Variants in KBTBD3 observed in about 807,000 individuals in gnomAD.
KBTBD3 encodes the protein kelch repeat and BTB domain-containing protein 3.
In KBTBD3, 38 loss-of-function variants were observed where a neutral mutation model predicts 49.6. The ratio of observed to expected loss-of-function variants is 0.77; its 90% CI spans 0.59 to 1.00. The LOEUF is 1.00. KBTBD3 is among the 50% of genes least tolerant of loss of function. KBTBD3 has a pLI of 0.00. For missense variants in KBTBD3, 661 were observed against 712.0 expected (o/e 0.93, Z 0.81); for synonymous variants, 214 against 250.4 (o/e 0.85, Z 1.37).
In KBTBD3 at chr11:106,053,136, G is replaced by T. The variant is rs764968896; in HGVS notation, c.1553C>A (p.Thr518Asn). 6.2e-7 allele frequency: 1 copy of T among 1,613,584 alleles called. No individual in the cohort carries two copies. The highest frequency in any genetic ancestry group is 1.1e-5 in the South Asian group (1 of 91,058). Residue 518 changes from threonine to asparagine, a missense_variant, in exon 4 of 4, where the codon ACC becomes AAC. Transcript: ENST00000531837. ...TGGACAAAAACTATAAACCTTATAG[G>T]TGGAAAGGTCACATATATACAGTGT... ...NCTLYICDLS[T>N]YKVYSFCPDT...
At position 106,059,051 on chromosome 11, in the gene KBTBD3, G is replaced by A; in HGVS notation, c.47C>T (p.Thr16Ile). The A allele has an allele frequency of 6.4e-7, 1 of 1,553,224 alleles. No individual in the cohort carries two copies. The highest frequency in any genetic ancestry group is 8.6e-7 in the Non-Finnish European group (1 of 1,161,550). ...DNSYAFNQRS[T>I]CNGIPSEKKN... ...CTTCTCAGATGGAATTCCATTACATGTGCTTCGTTGATTGAAAGCATATGA... is the reference window on the plus strand; with the variant it reads ...CTTCTCAGATGGAATTCCATTACATATGCTTCGTTGATTGAAAGCATATGA... The change falls in exon 3 of 4, where the codon ACA becomes ATA. Residue 16 changes from threonine (T) to isoleucine (I), a missense_variant. By Grantham distance (89) the Thr-to-Ile change is moderately conservative (BLOSUM62 -1). Transcript: ENST00000531837.
At position 106,053,734 on chromosome 11, in the gene KBTBD3, C is replaced by T. The variant is rs1250943152; in HGVS notation, c.955G>A (p.Asp319Asn). 6.2e-7 allele frequency: 1 copy of T among 1,613,616 alleles called. No individual in the cohort carries two copies. Among genetic ancestry groups the T allele is most frequent in the Admixed American group, 1.7e-5 (1 of 59,996 alleles). ...QYTFCYNIKS[D>N]SWKILPQSHL... ...GATTGCGGCAGTATTTTCCATGAAT[C>T]AGATTTAATGTTATAGCAAAATGTA... Residue 319 changes from aspartate (D) to asparagine (N), a missense_variant, in exon 4 of 4, where the codon GAT (aspartate) becomes AAT (asparagine). Transcript: ENST00000531837.
At chr11:106,063,319 A>G (rs1860740656) in intron 2 of KBTBD3, among the ~76,000 whole-genome samples, 1 of 152,254 alleles carries the variant, frequency 6.6e-6, no homozygotes, top group Admixed American at 6.5e-5. Flanking sequence ...CTTTGTTTCC[A>G]TGTTCAACCT....
Position 106,053,362 on chromosome 11 carries a change from C to G in KBTBD3, c.1327G>C (p.Gly443Arg). Residue 443 changes from glycine (G) to arginine (R), a missense_variant, in exon 4 of 4, where the codon GGC becomes CGC. Coordinates refer to ENST00000531837, the MANE Select transcript of KBTBD3 (RefSeq NM_198439.3). ...EWISVSPLPR[G>R]IYYPEASTCQ... ...GTGCTTGCTTCTGGATAGTATATGC[C>G]TCTGGGTAATGGGCTAACAGATATC... The G allele has an allele frequency of 6.2e-7, 1 of 1,613,218 alleles. No homozygotes were observed. Among genetic ancestry groups the G allele is most frequent in the Admixed American group, 1.7e-5 (1 of 59,920 alleles).
chr11:106,063,925 G>A (rs902809949), intron 2 of KBTBD3, among the ~76,000 whole-genome samples: 1 of 152,118 alleles, frequency 6.6e-6, no homozygotes, highest in African/African-American at 2.4e-5. Context: ...GAGAGACTCT[G>A]TCTCAAAAAG....
intron 2 of KBTBD3, among the ~76,000 whole-genome samples, chr11:106,074,117 C>T (rs943059570): frequency 2.3e-5 from 2 of 86,118 alleles, no homozygotes; most frequent in African/African-American, 5.3e-5. Flanking sequence ...CGAACACCCC[C>T]CCCCACACAC....
At chr11:106,066,733 T>TAAAAAAA (rs34578169) in intron 2 of KBTBD3, among the ~76,000 whole-genome samples, 2 of 140,836 alleles carry the variant, frequency 1.4e-5, no homozygotes, top group Non-Finnish European at 1.6e-5. Context: ...TAATCCCTAT[T>TAAAAAAA]AAAAAAAAAA....
chr11:106,067,641 C>T (rs1365499651), intron 2 of KBTBD3, among the ~76,000 whole-genome samples: 6 of 147,048 alleles, frequency 4.1e-5, no homozygotes, highest in East Asian at 2.0e-4. Context: ...AAAGAGATAA[C>T]GTTCATAAGT....
In KBTBD3 at chr11:106,061,985, A is replaced by G. The variant is rs78815133; in HGVS notation, c.-12-2876T>C. Among the ~76,000 whole-genome samples the G allele has an allele frequency of 8.3e-3, 1,270 of 152,214 alleles. 12 individuals carry two copies. Among genetic ancestry groups the G allele is most frequent in the Middle Eastern group, 0.027 (8 of 294 alleles). ...ATATAAAACATTCTCATCATCACAGAAAGTTCCACTGGATAGCCATTACAC... is the reference window on the plus strand; with the variant it reads ...ATATAAAACATTCTCATCATCACAGGAAGTTCCACTGGATAGCCATTACAC... On this transcript the variant is annotated intron_variant, in intron 2 of 3. Coordinates refer to ENST00000531837, the MANE Select transcript of KBTBD3 (RefSeq NM_198439.3).
At chr11:106,071,419 A>AAG (rs1412184378) in intron 2 of KBTBD3, among the ~76,000 whole-genome samples, 2 of 152,148 alleles carry the variant, frequency 1.3e-5, no homozygotes, top group Non-Finnish European at 2.9e-5. Context: ...TAAGTCAATT[A>AAG]TTGAGCCTCA....
intron 2 of KBTBD3, among the ~76,000 whole-genome samples, chr11:106,069,634 C>A (rs1429602194): frequency 6.6e-6 from 1 of 151,664 alleles, no homozygotes; most frequent in Non-Finnish European, 1.5e-5. Flanking sequence ...GAAAGACATG[C>A]CATGTCTGCA....
chr11:106,057,675 A>T (rs1860582822), intron 3 of KBTBD3: 1 of 175,506 alleles, frequency 5.7e-6, no homozygotes, highest in Non-Finnish European at 1.2e-5. Context: ...GGGAAACCAA[A>T]TTATATTCAG....
At chr11:106,073,068 T>C (rs934529928) in intron 2 of KBTBD3, among the ~76,000 whole-genome samples, 5 of 152,040 alleles carry the variant, frequency 3.3e-5, no homozygotes, top group African/African-American at 1.2e-4. Context: ...ATACAGTGCT[T>C]ATAATGTGCC....
At chr11:106,054,955 G>T (rs1860521738) in intron 3 of KBTBD3, among the ~76,000 whole-genome samples, 1 of 151,986 alleles carries the variant, frequency 6.6e-6, no homozygotes, top group Non-Finnish European at 1.5e-5. Context: ...ACTCTATTGG[G>T]TGGGGAAAAT....
intron 2 of KBTBD3, 140 bp from the exon 3 acceptor site, chr11:106,059,249 G>T: frequency 5.4e-6 from 3 of 552,132 alleles, no homozygotes; most frequent in Non-Finnish European, 9.4e-6. Flanking sequence ...TTAAACATTT[G>T]TTTTCCTGAC....
Position 106,053,236 on chromosome 11 carries a change from G to T in KBTBD3, c.1453C>A (p.Gln485Lys). Residue 485 changes from glutamine to lysine, a missense_variant, in exon 4 of 4, where the codon CAG (glutamine) becomes AAG (lysine). Gln to Lys is a moderately conservative substitution (Grantham distance 53). Coordinates refer to ENST00000531837, the MANE Select transcript of KBTBD3 (RefSeq NM_198439.3). ...AACTCTGCTACTAGTTCAGACCACT[G>T]ATCAGTTGTAGCATTGTATTTAAAA... ...CFFKYNATTD[Q>K]WSELVAEFGQ... 6.2e-7 allele frequency: 1 copy of T among 1,613,654 alleles called. No homozygotes were observed. The highest frequency in any genetic ancestry group is 8.5e-7 in the Non-Finnish European group (1 of 1,179,826).
chr11:106,076,149 T>C (rs952503983), intron 2 of KBTBD3: 8 of 152,232 alleles, frequency 5.3e-5, no homozygotes, highest in Non-Finnish European at 1.2e-4. Context: ...ATTGCTGATA[T>C]GGGTATTAGT....
chr11:106,070,133 T>A (rs1860889066), intron 2 of KBTBD3, among the ~76,000 whole-genome samples: 1 of 152,066 alleles, frequency 6.6e-6, no homozygotes, highest in Non-Finnish European at 1.5e-5. Flanking sequence ...TAGATTTAAA[T>A]GTAAAATATA....
chr11:106,052,391 G>A lies in KBTBD3; in HGVS notation c.*459C>T. 1 of 152,842 alleles carries A rather than the reference G, an allele frequency of 6.5e-6. No homozygotes were observed. Among genetic ancestry groups the A allele is most frequent in the Non-Finnish European group, 1.5e-5 (1 of 68,582 alleles). The allele number at this position is 152,842 out of a possible 1,614,324, so 9.5% of individuals were successfully genotyped here. A position where few individuals can be genotyped will look rare whatever the true frequency, so the allele number is the denominator to read the frequency against. On this transcript the variant is annotated 3_prime_UTR_variant, in exon 4 of 4. Coordinates refer to ENST00000531837, the MANE Select transcript of KBTBD3 (RefSeq NM_198439.3). The stretch of plus-strand genomic sequence containing the variant: ...TCTGAACTAAAAAAGGGTAAAAAGG[G>A]TACCTAAAAGAAGTTAACCAATCAT...
Sources: allele counts gnomAD v4.1 joint callset (sites outside exome capture counted in the v4.1 genomes callset), GRCh38; gene constraint gnomAD v4.1.1; transcripts MANE v1.5; gene names NCBI Gene and HGNC (gene_info 2026-07-23, HGNC 2026-07-21).